The following NHSL1 variants were observed in gnomAD, a reference collection of about 807,000 sequenced individuals.
The protein encoded by NHSL1 is NHS-like protein 1.
A neutral mutation model predicts 95.0 loss-of-function variants in NHSL1; 48 were observed. That is an observed-to-expected ratio of 0.51 (90% confidence interval 0.40 to 0.64). NHSL1 has a LOEUF of 0.64. Among genes scored for constraint, NHSL1 ranks in the 30% least tolerant of loss-of-function variants. The pLI, the probability that NHSL1 is intolerant of heterozygous loss-of-function variation, is 0.00. For missense variants in NHSL1, 1,971 were observed against 2,077.7 expected, an observed-to-expected ratio of 0.95 and a Z score of 1.00; for synonymous variants, 783 against 833.9, an observed-to-expected ratio of 0.94 and a Z score of 1.05.
At chr6:138,480,495 G>A (rs1007464304) in intron 2 of NHSL1, among the ~76,000 whole-genome samples, 1 of 152,136 alleles carries the variant, frequency 6.6e-6, no homozygotes, top group Non-Finnish European at 1.5e-5. Context: ...CAGTTCGGTA[G>A]GCCAGTTGTC....
intron 5 of NHSL1, among the ~76,000 whole-genome samples, chr6:138,437,133 G>T (rs1339195850): frequency 2.0e-5 from 3 of 151,354 alleles, no homozygotes; most frequent in Non-Finnish European, 4.4e-5. Flanking sequence ...AATTAGCCAG[G>T]CGTGGTGGCA....
chr6:138,461,457 G>T (rs947880309), intron 3 of NHSL1, among the ~76,000 whole-genome samples: 2 of 152,154 alleles, frequency 1.3e-5, no homozygotes, highest in African/African-American at 2.4e-5. Context: ...GGCTAGAGAG[G>T]GAAGAGGAAA....
chr6:138,441,491 C>T (rs1327942863), intron 5 of NHSL1, among the ~76,000 whole-genome samples: 10 of 152,328 alleles, frequency 6.6e-5, no homozygotes, highest in Middle Eastern at 3.4e-3. Flanking sequence ...CACCATCCAA[C>T]ATAAATGACT....
chr6:138,628,777 C>G (rs545150462), intron 1 of NHSL1, among the ~76,000 whole-genome samples: 87 of 152,268 alleles, frequency 5.7e-4, no homozygotes, highest in African/African-American at 2.0e-3. Context: ...TCCTCCATTT[C>G]TTTTCCGCAG....
chr6:138,656,697 C>T (rs960211139), intron 1 of NHSL1, among the ~76,000 whole-genome samples: 6 of 152,104 alleles, frequency 3.9e-5, no homozygotes, highest in Admixed American at 2.0e-4. Context: ...TGGTTGTCCT[C>T]GTAGGATAAT....
intron 1 of NHSL1, chr6:138,571,661 T>C (rs1430696059): frequency 6.6e-7 from 1 of 1,523,828 alleles, no homozygotes; most frequent in Admixed American, 2.0e-5. Context: ...CAAAGAATTC[T>C]ACATAACAAA....
intron 1 of NHSL1, among the ~76,000 whole-genome samples, chr6:138,586,033 C>T (rs940479572): frequency 6.6e-6 from 1 of 151,540 alleles, no homozygotes; most frequent in Non-Finnish European, 1.5e-5. Flanking sequence ...GCCTGGGCAA[C>T]AGAGCAAGAC....
chr6:138,636,914 T>A (rs1487520027), intron 1 of NHSL1, among the ~76,000 whole-genome samples: 2 of 152,122 alleles, frequency 1.3e-5, no homozygotes, highest in African/African-American at 4.8e-5. Context: ...GAAACAATCC[T>A]AAAATTTATA....
At chr6:138,561,597 C>G (rs1389652431) in intron 1 of NHSL1, among the ~76,000 whole-genome samples, 1 of 152,174 alleles carries the variant, frequency 6.6e-6, no homozygotes, top group East Asian at 1.9e-4. Context: ...AGGGTCTCTC[C>G]TCAGTGTGAG....
intron 2 of NHSL1, among the ~76,000 whole-genome samples, chr6:138,489,005 G>A (rs952022016): frequency 6.6e-6 from 1 of 152,192 alleles, no homozygotes; most frequent in Non-Finnish European, 1.5e-5. Context: ...GTGGCGAAAG[G>A]CATCTTGCTC....
chr6:138,449,052 C>CAAAAAA (rs545496586), intron 3 of NHSL1, among the ~76,000 whole-genome samples: 17 of 88,436 alleles, frequency 1.9e-4, no homozygotes, highest in African/African-American at 6.3e-4. Context: ...AATTCTGTCT[C>CAAAAAA]AAAAAAAAAA....
At chr6:138,604,444 G>A (rs143647983) in intron 1 of NHSL1, among the ~76,000 whole-genome samples, 5 of 152,154 alleles carry the variant, frequency 3.3e-5, no homozygotes, top group Non-Finnish European at 7.3e-5. Flanking sequence ...TTAGGGTTAA[G>A]AAGCCCTGCT....
chr6:138,682,986 C>T (rs12214612), intron 1 of NHSL1, among the ~76,000 whole-genome samples: 66,254 of 152,044 alleles, frequency 0.44, 15,556 homozygotes, highest in African/African-American at 0.59. Context: ...ATAGCCAACC[C>T]CAGGCCAAGT....
At chr6:138,516,588 TTTG>T (rs769534036) in intron 1 of NHSL1, among the ~76,000 whole-genome samples, 34 of 151,848 alleles carry the variant, frequency 2.2e-4, no homozygotes, top group South Asian at 8.4e-4. Flanking sequence ...TCAAAGTTGT[TTTG>T]TTGTTGTTGT....
At chr6:138,561,181 A>G (rs1241739255) in intron 1 of NHSL1, among the ~76,000 whole-genome samples, 1 of 152,248 alleles carries the variant, frequency 6.6e-6, no homozygotes, top group Non-Finnish European at 1.5e-5. Flanking sequence ...AAAACATAAA[A>G]ACAAACCTAC....
At chr6:138,553,149 G>A (rs1280074406) in intron 1 of NHSL1, among the ~76,000 whole-genome samples, 2 of 152,042 alleles carry the variant, frequency 1.3e-5, no homozygotes, top group Admixed American at 6.6e-5. Flanking sequence ...GCAAATAAAG[G>A]CCTGTCTGGA....
chr6:138,648,905 T>C (rs996952390), intron 1 of NHSL1, among the ~76,000 whole-genome samples: 3 of 152,192 alleles, frequency 2.0e-5, no homozygotes, highest in Non-Finnish European at 2.9e-5. Flanking sequence ...GGAATGAATA[T>C]AGTCAACTAT....
intron 1 of NHSL1, among the ~76,000 whole-genome samples, chr6:138,653,359 TC>T (rs767629798): frequency 6.6e-5 from 10 of 152,058 alleles, no homozygotes; most frequent in Admixed American, 1.3e-4. Flanking sequence ...ATCAAGACCA[TC>T]CTGGCCAACA....
At chr6:138,614,567 A>G (rs1169705983) in intron 1 of NHSL1, among the ~76,000 whole-genome samples, 6 of 152,214 alleles carry the variant, frequency 3.9e-5, no homozygotes, top group African/African-American at 4.8e-5. Flanking sequence ...CAATGACCCT[A>G]CAAGGTAGCT....
Sources: gnomAD v4.1 joint callset for allele counts (sites outside exome capture counted in the v4.1 genomes callset) on GRCh38, gnomAD v4.1.1 for gene constraint, MANE v1.5 for transcripts, NCBI Gene and HGNC (gene_info 2026-07-23, HGNC 2026-07-21) for gene names.